The following RPA2 variants were observed in gnomAD, a reference collection of about 807,000 sequenced individuals.
RPA2 encodes the protein replication protein A 32 kDa subunit.
In RPA2, 22 loss-of-function variants were observed where a neutral mutation model predicts 33.4. The observed-to-expected ratio is 0.66, with a 90% CI of 0.47 to 0.94. The LOEUF is 0.94. Ranked by LOEUF, RPA2 falls within the 40% of genes least tolerant of loss-of-function variation. RPA2 has a pLI of 0.00. For synonymous variants in RPA2, 109 were observed against 114.9 expected, an observed-to-expected ratio of 0.95 and a Z score of 0.33; for missense variants, 279 against 329.9, an observed-to-expected ratio of 0.85 and a Z score of 1.19.
At chr1:27,906,566 T>C (rs1203637860) in intron 4 of RPA2, among the ~76,000 whole-genome samples, 1 of 152,132 alleles carries the variant, frequency 6.6e-6, no homozygotes, top group African/African-American at 2.4e-5. Context: ...GGCAGGTGCC[T>C]GTAATCCCAG....
At chr1:27,909,955 T>C (rs903873442) in intron 2 of RPA2, among the ~76,000 whole-genome samples, 7 of 152,200 alleles carry the variant, frequency 4.6e-5, no homozygotes, top group Admixed American at 4.6e-4. Flanking sequence ...ACTTTTTCAA[T>C]TTTACTTTAT....
intron 6 of RPA2, 42 bp downstream of exon 6, chr1:27,896,963 C>A (rs2089899836): frequency 6.9e-7 from 1 of 1,457,952 alleles, no homozygotes; most frequent in Non-Finnish European, 9.5e-7. Context: ...AGCCTGTGTT[C>A]TTCCAGGGAA....
chr1:27,912,609 T>C (rs1303790867), intron 2 of RPA2, among the ~76,000 whole-genome samples: 1 of 152,118 alleles, frequency 6.6e-6, no homozygotes, highest in Non-Finnish European at 1.5e-5. Flanking sequence ...TAGATTGTTT[T>C]CCTACACATT....
intron 4 of RPA2, 118 bp downstream of exon 4, chr1:27,906,810 C>G: frequency 4.6e-6 from 3 of 652,988 alleles, no homozygotes; most frequent in Non-Finnish European, 7.8e-6. Context: ...TTTAGAGTAT[C>G]TGTCTTTGAT....
At chr1:27,905,916 CAT>C (rs2090022813) in intron 4 of RPA2, among the ~76,000 whole-genome samples, 3 of 148,536 alleles carry the variant, frequency 2.0e-5, no homozygotes, top group African/African-American at 7.8e-5. Context: ...CGTGAGCCAC[CAT>C]GCCAAGCCAA....
At chr1:27,893,311 GT>G (rs992521456) in intron 8 of RPA2, among the ~76,000 whole-genome samples, 3 of 151,968 alleles carry the variant, frequency 2.0e-5, no homozygotes, top group Non-Finnish European at 4.4e-5. Context: ...TTGCAGTTAA[GT>G]TTTTTTTGTG....
intron 7 of RPA2, 31 bp downstream of exon 7, chr1:27,894,259 G>A: frequency 1.3e-6 from 2 of 1,590,398 alleles, no homozygotes; most frequent in Non-Finnish European, 1.7e-6. Context: ...TCTGTGTTTT[G>A]TATTTCTGAA....
At position 27,905,538 on chromosome 1, in the gene RPA2, G is replaced by A. The variant is rs980506713; in HGVS notation, c.333+1390C>T. 1.3e-4 allele frequency among the ~76,000 whole-genome samples: 20 copies of A among 152,266 alleles called. No homozygotes were observed. The South Asian group carries it at 2.3e-3, about 17-fold the overall frequency. Reference sequence around the variant, plus strand: ...ACTCCTGACCTCAGGTGATCTGCCTGCCTTGGCTTCCTAAAGTGTTGCGAT... The same window carrying A: ...ACTCCTGACCTCAGGTGATCTGCCTACCTTGGCTTCCTAAAGTGTTGCGAT... On this transcript the variant is annotated intron_variant, in intron 4 of 8. Coordinates refer to ENST00000373912, the MANE Select transcript of RPA2 (RefSeq NM_002946.5).
chr1:27,897,768 C>A (rs1416472199), intron 4 of RPA2, 61 bp from the exon 5 acceptor site: 1 of 1,221,748 alleles, frequency 8.2e-7, no homozygotes, highest in South Asian at 1.6e-5. Context: ...GCCTCTTTAA[C>A]GTTTCTATAT....
Position 27,914,150 on chromosome 1 carries a change from G to A in RPA2, c.30C>T (p.Gly10=), listed in dbSNP as rs764799410. The change falls in exon 2 of 9, where the codon GGC becomes GGT. Residue 10 remains glycine, a synonymous_variant. Coordinates refer to ENST00000373912, the MANE Select transcript of RPA2 (RefSeq NM_002946.5). ...CGCCGGCTCCCCCGTATGAGGAGCT[G>A]CCATAGCTTTCGAATCCACCTGTTT... MWNSGFESY[G]SSSYGGAGGY... is the part of the protein sequence containing the mutation. 6 of 1,613,396 alleles carry A rather than the reference G, an allele frequency of 3.7e-6. No individual in the cohort carries two copies. The highest frequency in any genetic ancestry group is 2.2e-5 in the East Asian group (1 of 44,812).
At chr1:27,903,417 T>A (rs2089991126) in intron 4 of RPA2, among the ~76,000 whole-genome samples, 1 of 151,982 alleles carries the variant, frequency 6.6e-6, no homozygotes. Flanking sequence ...TCTTTACAGA[T>A]AACATTAAAA....
At position 27,914,157 on chromosome 1, in the gene RPA2, C is replaced by T. The variant is rs757873922; in HGVS notation, c.23G>A (p.Ser8Asn). MWNSGFESYGSSSYGGAG... is the reference protein window; with the variant it reads MWNSGFENYGSSSYGGAG... ...TCCCCCGTATGAGGAGCTGCCATAG[C>T]TTTCGAATCCACCTGTTTTGAACAA... Residue 8 changes from serine to asparagine, a missense_variant, in exon 2 of 9, where the codon AGC (serine) becomes AAC (asparagine). By Grantham distance (46) the Ser-to-Asn change is conservative. Around this residue, in one of 2 missense-constraint regions of RPA2, gnomAD observed 274 missense variants for 310.3 expected, o/e 0.88. Transcript: ENST00000373912. The T allele has an allele frequency of 6.2e-7, 1 of 1,613,746 alleles. No homozygotes were observed. Among genetic ancestry groups the T allele is most frequent in the Non-Finnish European group, 8.5e-7 (1 of 1,179,918 alleles).
chr1:27,893,981 G>C, intron 8 of RPA2, 31 bp downstream of exon 8: 3 of 1,568,434 alleles, frequency 1.9e-6, no homozygotes, highest in Non-Finnish European at 2.6e-6. Flanking sequence ...TACAATGCCA[G>C]AGCCTGAGCT....
chr1:27,896,974 G>A (rs1340971113), intron 6 of RPA2, 31 bp downstream of exon 6: 69 of 1,509,988 alleles, frequency 4.6e-5, no homozygotes, highest in Non-Finnish European at 6.2e-5. Flanking sequence ...TTCCAGGGAA[G>A]AGAAAAAGCT....
chr1:27,897,646 A>C lies in RPA2; in HGVS notation c.395T>G (p.Leu132Arg). ...PETYVKVAGH[L>R]RSFQNKKSLV... ...TTCTGACTTTACCTGAAAAGATCTC[A>C]GGTGGCCTGCCACTTTCACATATGT... The change falls in exon 5 of 9, where the codon CTG (leucine) becomes CGG (arginine). Residue 132 changes from leucine to arginine, a missense_variant. Transcript: ENST00000373912. 6.2e-7 allele frequency: 1 copy of C among 1,603,064 alleles called. No individual in the cohort carries two copies. Among genetic ancestry groups the C allele is most frequent in the Non-Finnish European group, 8.5e-7 (1 of 1,174,892 alleles).
intron 8 of RPA2, among the ~76,000 whole-genome samples, chr1:27,892,922 C>T (rs1286470677): frequency 6.6e-6 from 1 of 152,178 alleles, no homozygotes; most frequent in East Asian, 1.9e-4. Context: ...CTATCACAAG[C>T]ACCATAAGTC....
intron 6 of RPA2, among the ~76,000 whole-genome samples, chr1:27,896,427 A>G (rs1225624349): frequency 6.6e-6 from 1 of 151,924 alleles, no homozygotes; most frequent in East Asian, 1.9e-4. Context: ...CCAGCCTCCC[A>G]AAGTGCTGAG....
chr1:27,904,696 G>A (rs542238478), intron 4 of RPA2, among the ~76,000 whole-genome samples: 1 of 151,952 alleles, frequency 6.6e-6, no homozygotes, highest in East Asian at 1.9e-4. Flanking sequence ...GAGCAACAGA[G>A]CAGTGCGCAA....
rs1385519153 is a variant in RPA2, at chr1:27,891,904, G to T, written c.*259C>A. The T allele has an allele frequency of 4.5e-6, 2 of 442,170 alleles. No homozygotes were observed. The highest frequency in any genetic ancestry group is 8.3e-6 in the Non-Finnish European group (2 of 242,190). 27.4% of individuals were successfully genotyped at this position (442,170 alleles called of 1,614,324 possible). On this transcript the variant is annotated 3_prime_UTR_variant, in exon 9 of 9. Coordinates refer to ENST00000373912, the MANE Select transcript of RPA2 (RefSeq NM_002946.5). ...TTCCAATTCCATCTATCTTGATGTT[G>T]TAACAAGCTTATTTGTAACTTCCTC... is the stretch of plus-strand genomic sequence containing the variant.
Sources: gnomAD v4.1 joint callset for allele counts (sites outside exome capture counted in the v4.1 genomes callset) on GRCh38, gnomAD v4.1.1 for gene constraint, gnomAD v4.1.1 regional missense constraint, MANE v1.5 for transcripts, NCBI Gene and HGNC (gene_info 2026-07-23, HGNC 2026-07-21) for gene names.